DCC: variants seen among roughly 807,000 people sequenced by gnomAD.
The protein encoded by DCC is DCC netrin 1 receptor.
Under a neutral mutation model 172.5 loss-of-function variants are expected in DCC, and 58 were observed. That is an observed-to-expected ratio of 0.34 (90% CI 0.27 to 0.42). DCC has a LOEUF of 0.42. Ranked by LOEUF, DCC falls within the 10% of genes least tolerant of loss-of-function variation. The pLI is 1.00. For synonymous variants in DCC, 709 were observed against 644.5 expected (o/e 1.10, Z -1.52); for missense variants, 1,740 against 1,791.0 (o/e 0.97, Z 0.51).
chr18:52,584,757 C>T (rs1415227949), intron 1 of DCC, among the ~76,000 whole-genome samples: 1 of 150,646 alleles, frequency 6.6e-6, no homozygotes, highest in East Asian at 2.0e-4. Flanking sequence ...CGAGACTGGT[C>T]TCGAGCTCCT....
At chr18:53,380,407 A>T (rs1907627393) in intron 15 of DCC, among the ~76,000 whole-genome samples, 1 of 152,206 alleles carries the variant, frequency 6.6e-6, no homozygotes, top group African/African-American at 2.4e-5. Context: ...ATAAAAGGAT[A>T]TCAAAGCACT....
intron 1 of DCC, among the ~76,000 whole-genome samples, chr18:52,358,948 G>A (rs1984499104): frequency 6.6e-6 from 1 of 152,118 alleles, no homozygotes. Flanking sequence ...TTCTCCCTCT[G>A]TTAAACTCTA....
rs76314072 is a variant in DCC at position 53,366,112 on chromosome 18, A to G, written c.2360-19931A>G. Among the ~76,000 whole-genome samples, 824 of 151,874 alleles carry G rather than the reference A, an allele frequency of 5.4e-3. 58 individuals carry two copies. The East Asian group carries it at 0.14, about 25-fold the overall frequency. On this transcript the variant is annotated intron_variant, in intron 15 of 28. Transcript: ENST00000442544. ...ACTCTTACTGCCCAGGCTGGAGTGC[A>G]GTGGCGCGATCTTGGCTCACTGCAA...
At chr18:52,861,611 C>T (rs2039143435) in intron 2 of DCC, among the ~76,000 whole-genome samples, 1 of 152,092 alleles carries the variant, frequency 6.6e-6, no homozygotes, top group African/African-American at 2.4e-5. Flanking sequence ...TAATTCTTGA[C>T]TCTGGAAAAC....
At chr18:53,304,184 A>G (rs886633248) in intron 12 of DCC, among the ~76,000 whole-genome samples, 1 of 152,144 alleles carries the variant, frequency 6.6e-6, no homozygotes, top group Admixed American at 6.5e-5. Flanking sequence ...ATGGCAGGCC[A>G]AAAGGCAACA....
chr18:52,887,213 T>C (rs2039582600), intron 2 of DCC, among the ~76,000 whole-genome samples: 1 of 152,184 alleles, frequency 6.6e-6, no homozygotes, highest in Admixed American at 6.5e-5. Context: ...TTTATCTAAA[T>C]CCTGTTATCA....
At chr18:53,283,140 T>C (rs2056893143) in intron 12 of DCC, among the ~76,000 whole-genome samples, 1 of 152,196 alleles carries the variant, frequency 6.6e-6, no homozygotes, top group Admixed American at 6.5e-5. Flanking sequence ...TTCAAGCGTT[T>C]CAGTATTTCT....
chr18:52,927,139 G>A lies in DCC; in HGVS notation c.985+1769G>A, dbSNP rs1387970021. Among the ~76,000 whole-genome samples the A allele has an allele frequency of 1.7e-4, 7 of 42,100 alleles. 2 individuals are homozygous for A. The highest frequency in any genetic ancestry group is 4.1e-4 in the Non-Finnish European group (6 of 14,610). 27.6% of individuals were successfully genotyped at this position (42,100 alleles called of 152,430 possible). ...TACGTGTATATACACGTATATACGT[G>A]TATATATGTGTATATATACGTATAT... is the stretch of plus-strand genomic sequence containing the variant. On this transcript the variant is annotated intron_variant, in intron 5 of 28. Transcript: ENST00000442544.
At chr18:53,066,269 A>G (rs2042565209) in intron 7 of DCC, 103 bp downstream of exon 7, 4 of 1,099,712 alleles carry the variant, frequency 3.6e-6, no homozygotes, top group African/African-American at 1.6e-5. Flanking sequence ...GCAATATGGC[A>G]ATATGAAATC....
At chr18:53,351,305 ATATATATATACACTG>A (rs1170131050) in intron 15 of DCC, among the ~76,000 whole-genome samples, 4 of 26,674 alleles carry the variant, frequency 1.5e-4, no homozygotes, top group African/African-American at 2.0e-4. Flanking sequence ...ATATATATAT[ATATATATATACACTG>A]TATATATATA....
At chr18:52,860,331 G>A (rs1396791204) in intron 2 of DCC, among the ~76,000 whole-genome samples, 1 of 152,190 alleles carries the variant, frequency 6.6e-6, no homozygotes, top group Admixed American at 6.5e-5. Flanking sequence ...ATCAAGTTGT[G>A]TAGCTTCAGT....
At chr18:52,984,814 C>A (rs761650677) in intron 5 of DCC, among the ~76,000 whole-genome samples, 47 of 152,012 alleles carry the variant, frequency 3.1e-4, no homozygotes, top group Non-Finnish European at 1.8e-4. Context: ...CAAGTATGTG[C>A]CTCTCAAGCA....
intron 5 of DCC, among the ~76,000 whole-genome samples, chr18:53,046,345 T>C (rs1249642781): frequency 6.6e-6 from 1 of 151,826 alleles, no homozygotes; most frequent in Non-Finnish European, 1.5e-5. Context: ...TTGCCAAATA[T>C]TAAGTGAAAA....
chr18:53,308,394 T>C (rs1481144909), intron 13 of DCC, among the ~76,000 whole-genome samples: 2 of 152,164 alleles, frequency 1.3e-5, no homozygotes, highest in East Asian at 1.9e-4. Context: ...TGAATATTGC[T>C]TACTTTGTAA....
intron 27 of DCC, among the ~76,000 whole-genome samples, chr18:53,512,087 G>A (rs2046262926): frequency 1.3e-5 from 2 of 152,070 alleles, no homozygotes; most frequent in Non-Finnish European, 2.9e-5. Flanking sequence ...AGAGAGCAGT[G>A]GTTCTCCCAG....
At chr18:52,840,473 T>C (rs1423292381) in intron 2 of DCC, among the ~76,000 whole-genome samples, 1 of 152,216 alleles carries the variant, frequency 6.6e-6, no homozygotes, top group Non-Finnish European at 1.5e-5. Flanking sequence ...CCAATATTTG[T>C]AGAACCATTC....
intron 19 of DCC, among the ~76,000 whole-genome samples, chr18:53,405,467 T>C (rs1326500389): frequency 6.6e-6 from 1 of 152,178 alleles, no homozygotes. Flanking sequence ...AATACAGTGC[T>C]GAGAAAAGCC....
intron 1 of DCC, among the ~76,000 whole-genome samples, chr18:52,519,650 T>C (rs916149094): frequency 1.2e-4 from 19 of 152,126 alleles, no homozygotes; most frequent in African/African-American, 4.6e-4. Flanking sequence ...ATCTTTTTGC[T>C]CTAAATCAGG....
chr18:52,470,563 A>G (rs574072062), intron 1 of DCC, among the ~76,000 whole-genome samples: 1 of 152,274 alleles, frequency 6.6e-6, no homozygotes, highest in Admixed American at 6.5e-5. Context: ...GAGAGGCAGA[A>G]GTGGATTACA....
Sources: gnomAD v4.1 joint callset for allele counts (sites outside exome capture counted in the v4.1 genomes callset) on GRCh38, gnomAD v4.1.1 for gene constraint, MANE v1.5 for transcripts, NCBI Gene and HGNC (gene_info 2026-07-23, HGNC 2026-07-21) for gene names.